USP16: variants seen among roughly 807,000 people sequenced by gnomAD.
The protein encoded by USP16 is ubiquitin carboxyl-terminal hydrolase 16.
A neutral mutation model predicts 95.9 loss-of-function variants in USP16; 77 were observed. The observed-to-expected ratio is 0.80, with a 90% confidence interval of 0.67 to 0.97. USP16 has a LOEUF of 0.97. Among genes scored for constraint, USP16 ranks in the 50% least tolerant of loss-of-function variants. The pLI, the probability that USP16 is intolerant of heterozygous loss-of-function variation, is 0.00. For synonymous variants in USP16, 303 were observed against 318.2 expected (o/e 0.95, Z 0.51); for missense variants, 943 against 959.9 (o/e 0.98, Z 0.23).
At chr21:29,048,626 T>G in intron 14 of USP16, 135 bp from the exon 15 acceptor site, 1 of 609,522 alleles carries the variant, frequency 1.6e-6, no homozygotes, top group South Asian at 2.5e-5. Flanking sequence ...TTCTACAATA[T>G]TTGTTATCTA....
intron 3 of USP16, among the ~76,000 whole-genome samples, chr21:29,032,419 A>C (rs2085091085): frequency 6.6e-6 from 1 of 152,008 alleles, no homozygotes; most frequent in Non-Finnish European, 1.5e-5. Flanking sequence ...TTTTCTAAAG[A>C]TGCGGTTTTG....
At position 29,050,073 on chromosome 21, in the gene USP16, T is replaced by G. The variant is rs185033793; in HGVS notation, c.2107-19T>G. On this transcript the variant is annotated intron_variant, in intron 15 of 17. Transcript: ENST00000399976. ...GCTTTTCCAAGAAAAGAAGTCAATC[T>G]GTTATGCTTCTCTTTTAGGCTGGTT... 2.8e-5 allele frequency: 44 copies of G among 1,599,990 alleles called. No individual in the cohort carries two copies. In the African/African-American group the frequency reaches 5.2e-4, roughly 19 times the overall value.
intron 6 of USP16, 67 bp downstream of exon 6, chr21:29,037,530 A>T: frequency 4.4e-6 from 5 of 1,144,604 alleles, no homozygotes; most frequent in South Asian, 2.4e-5. Flanking sequence ...TACTTACATT[A>T]TTGAGTTTTT....
intron 4 of USP16, 110 bp downstream of exon 4, chr21:29,035,050 TTTAAAA>T: frequency 1.0e-6 from 1 of 994,444 alleles, no homozygotes; most frequent in Non-Finnish European, 1.5e-6. Flanking sequence ...TGTAGTATGT[TTTAAAA>T]TACCATCACT....
In USP16 at chr21:29,039,497, G is replaced by A. The variant is rs2085212776; in HGVS notation, c.880G>A (p.Gly294Ser). Residue 294 changes from glycine to serine, a missense_variant, in exon 9 of 18, where the codon GGC becomes AGC. By Grantham distance (56) the Gly-to-Ser change is moderately conservative. Coordinates refer to ENST00000399976, the MANE Select transcript of USP16 (RefSeq NM_006447.3). ...TTTCTCTAGAGCAGTGCGGTTTAAA[G>A]GCTATCAGCAGCAAGACAGCCAGGA... ...QVCKKAVRFK[G>S]YQQQDSQELL... 6.2e-7 allele frequency: 1 copy of A among 1,613,050 alleles called. No homozygotes were observed. The highest frequency in any genetic ancestry group is 1.3e-5 in the African/African-American group (1 of 74,866).
chr21:29,050,081 T>G lies in USP16; in HGVS notation c.2107-11T>G, dbSNP rs771304945. 6.2e-7 allele frequency: 1 copy of G among 1,608,310 alleles called. No homozygotes were observed. The highest frequency in any genetic ancestry group is 2.2e-5 in the East Asian group (1 of 44,792). Reference sequence around the variant, plus strand: ...AAGAAAAGAAGTCAATCTGTTATGCTTCTCTTTTAGGCTGGTTTTAACCTA... The same window carrying G: ...AAGAAAAGAAGTCAATCTGTTATGCGTCTCTTTTAGGCTGGTTTTAACCTA... On this transcript the variant is annotated splice_polypyrimidine_tract_variant and intron_variant, in intron 15 of 17. Transcript: ENST00000399976.
chr21:29,031,057 G>A (rs1056457978), intron 3 of USP16, among the ~76,000 whole-genome samples: 1 of 152,204 alleles, frequency 6.6e-6, no homozygotes, highest in African/African-American at 2.4e-5. Context: ...CTGAATTGAG[G>A]CAAGGAGCTA....
chr21:29,041,052 C>T (rs887221580), intron 10 of USP16, among the ~76,000 whole-genome samples: 5 of 152,104 alleles, frequency 3.3e-5, no homozygotes, highest in African/African-American at 1.2e-4. Flanking sequence ...GGCAGATCTG[C>T]CCAGTAGAAC....
At position 29,039,502 on chromosome 21, in the gene USP16, TCAG is replaced by T; in HGVS notation, c.891_893del (p.Gln298del). ...CTAGAGCAGTGCGGTTTAAAGGCTA[TCAG>T]CAGCAAGACAGCCAGGAGCTGCTTC... On this transcript the variant is annotated inframe_deletion, in exon 9 of 18. Transcript: ENST00000399976. 6.2e-7 allele frequency: 1 copy of T among 1,613,350 alleles called. No individual in the cohort carries two copies. Among genetic ancestry groups the T allele is most frequent in the African/African-American group, 1.3e-5 (1 of 75,026 alleles).
intron 14 of USP16, among the ~76,000 whole-genome samples, 190 bp from the exon 15 acceptor site, chr21:29,048,569 CAT>C (rs2085366184): frequency 6.6e-6 from 1 of 152,128 alleles, no homozygotes; most frequent in African/African-American, 2.4e-5. Flanking sequence ...ATTTTAATCT[CAT>C]AAATACCTAT....
chr21:29,039,096 T>A lies in USP16; in HGVS notation c.803T>A (p.Met268Lys). ...GCCATGAGCCAGTTTCTTAATGAGA[T>A]GCAAGAGACCAAAAAGGGGGTTGTG... ...TLAMSQFLNE[M>K]QETKKGVVTP... The change falls in exon 8 of 18, where the codon ATG becomes AAG. Residue 268 changes from methionine to lysine, a missense_variant. Coordinates refer to ENST00000399976, the MANE Select transcript of USP16 (RefSeq NM_006447.3). The A allele has an allele frequency of 6.3e-7, 1 of 1,590,174 alleles. No individual in the cohort carries two copies. The highest frequency in any genetic ancestry group is 8.6e-7 in the Non-Finnish European group (1 of 1,166,558).
chr21:29,038,364 A>G lies in USP16; in HGVS notation c.666A>G (p.Glu222=). ...TGTCACAAACACCAGTGCTTAGAGA[A>G]CTACTAAAAGAAGTGAAAATGTCTG... The part of the protein sequence containing the change: ...QNLSQTPVLR[E]LLKEVKMSGT... The change falls in exon 7 of 18, where the codon GAA becomes GAG. Residue 222 remains glutamate (E), a synonymous_variant. Transcript: ENST00000399976. 3 of 1,612,938 alleles carry G rather than the reference A, an allele frequency of 1.9e-6. No homozygotes were observed. The African/African-American group carries it at 4.0e-5, about 21-fold the overall frequency.
Position 29,054,189 on chromosome 21 carries a change from A to G in USP16, c.*2A>G, listed in dbSNP as rs776720884. ...CTATTTTATGAGAGAATACTGTAAT[A>G]ATATCAAAAGCACTTTTTCTGGAAA... On this transcript the variant is annotated 3_prime_UTR_variant, in exon 18 of 18. Coordinates refer to ENST00000399976, the MANE Select transcript of USP16 (RefSeq NM_006447.3). The G allele has an allele frequency of 1.4e-5, 22 of 1,609,614 alleles. No individual in the cohort carries two copies. The highest frequency in any genetic ancestry group is 3.3e-4 in the Middle Eastern group (2 of 6,070).
chr21:29,027,749 G>A, intron 1 of USP16, 124 bp from the exon 2 acceptor site: 1 of 697,436 alleles, frequency 1.4e-6, no homozygotes, highest in East Asian at 2.8e-5. Context: ...TATGTGATTG[G>A]TCTTTGTAAA....
intron 5 of USP16, among the ~76,000 whole-genome samples, chr21:29,036,901 C>T (rs2085165587): frequency 6.6e-6 from 1 of 152,200 alleles, no homozygotes; most frequent in Non-Finnish European, 1.5e-5. Flanking sequence ...TTTTGACCCA[C>T]AGAATTCATT....
intron 1 of USP16, chr21:29,025,733 A>G: frequency 1.0e-6 from 1 of 984,776 alleles, no homozygotes; most frequent in Non-Finnish European, 1.2e-6. Flanking sequence ...ATTCTTATGT[A>G]CCTACCTTTG....
At chr21:29,036,769 C>G (rs2085163095) in intron 5 of USP16, among the ~76,000 whole-genome samples, 1 of 152,200 alleles carries the variant, frequency 6.6e-6, no homozygotes, top group Non-Finnish European at 1.5e-5. Context: ...AGGTTCTTTC[C>G]ATGCATAATT....
intron 5 of USP16, 55 bp from the exon 6 acceptor site, chr21:29,037,221 C>A: frequency 8.7e-7 from 1 of 1,145,470 alleles, no homozygotes; most frequent in Non-Finnish European, 1.2e-6. Flanking sequence ...AAGTATACTT[C>A]TGCATTCGAT....
chr21:29,048,048 C>CGTGTGTGTGTGTGTGTGTGT (rs67919060), intron 14 of USP16, among the ~76,000 whole-genome samples: 22 of 123,796 alleles, frequency 1.8e-4, no homozygotes, highest in African/African-American at 5.9e-4. Flanking sequence ...AGAGACGATA[C>CGTGTGTGTGTGTGTGTGTGT]GTGTGTGTGT....
Sources: gnomAD v4.1 joint callset for allele counts (sites outside exome capture counted in the v4.1 genomes callset) on GRCh38, gnomAD v4.1.1 for gene constraint, MANE v1.5 for transcripts, NCBI Gene and HGNC (gene_info 2026-07-23, HGNC 2026-07-21) for gene names.